TMEM132E: variants seen among roughly 807,000 people sequenced by gnomAD.
TMEM132E encodes the protein transmembrane protein 132E.
TMEM132E carries 49 observed loss-of-function variants against 78.5 expected under a neutral mutation model. The observed-to-expected ratio is 0.62, with a 90% CI of 0.50 to 0.79. The LOEUF (loss-of-function observed/expected upper bound fraction) is 0.79. Among genes scored for constraint, TMEM132E ranks in the 30% least tolerant of loss-of-function variants. TMEM132E has a pLI of 0.00. For synonymous variants in TMEM132E, 715 were observed against 670.6 expected, an observed-to-expected ratio of 1.07 and a Z score of -1.02; for missense variants, 1,403 against 1,470.9, an observed-to-expected ratio of 0.95 and a Z score of 0.75.
chr17:34,596,605 A>G (rs1906067185), intron 1 of TMEM132E, among the ~76,000 whole-genome samples: 1 of 152,002 alleles, frequency 6.6e-6, no homozygotes, highest in Non-Finnish European at 1.5e-5. Flanking sequence ...TTTTCTCCTC[A>G]TGTGTCTTAG....
intron 1 of TMEM132E, among the ~76,000 whole-genome samples, chr17:34,600,733 T>C (rs1176158794): frequency 2.0e-4 from 30 of 152,212 alleles, no homozygotes; most frequent in Non-Finnish European, 7.4e-5. Context: ...CAGTCCAGGA[T>C]GGAGCTGTGA....
At chr17:34,632,997 G>A (rs1907403296) in intron 6 of TMEM132E, 88 bp downstream of exon 6, 1 of 1,436,280 alleles carries the variant, frequency 7.0e-7, no homozygotes. Context: ...ATGGGTATAA[G>A]GCCCTTGGTA....
chr17:34,637,476 C>G lies in TMEM132E; in HGVS notation c.2469C>G (p.Asp823Glu), dbSNP rs769722270. 1.9e-6 allele frequency: 3 copies of G among 1,611,532 alleles called. No homozygotes were observed. The highest frequency in any genetic ancestry group is 2.5e-6 in the Non-Finnish European group (3 of 1,179,342). ...GGGACGAGGAGGACCCCACTTATGA[C>G]TACCCGGGCCCCAGCCAACCAGGGC... ...FGRDEEDPTY[D>E]YPGPSQPGPG... is the part of the protein sequence containing the mutation. Residue 823 changes from aspartate (D) to glutamate (E), a missense_variant, in exon 9 of 9, where the codon GAC becomes GAG. Physicochemically the swap from Asp to Glu is conservative, Grantham distance 45. Around this residue, in one of 3 missense-constraint regions of TMEM132E, gnomAD observed 888 missense variants for 952.8 expected, o/e 0.93. Coordinates refer to ENST00000631683, the MANE Select transcript of TMEM132E (RefSeq NM_001304438.2).
intron 1 of TMEM132E, among the ~76,000 whole-genome samples, chr17:34,588,782 C>T (rs1905763120): frequency 6.6e-6 from 1 of 152,184 alleles, no homozygotes. Context: ...CACTCTGTCA[C>T]CCTGGTTGTC....
chr17:34,638,341 G>C lies in TMEM132E; in HGVS notation c.*109G>C, dbSNP rs1907619379. Reference sequence around the variant, plus strand: ...GACTCTGGGCGGCTGAATTGATTTTGTACTCCCTGCCCCTGCAGCTTGGCT... The same window carrying C: ...GACTCTGGGCGGCTGAATTGATTTTCTACTCCCTGCCCCTGCAGCTTGGCT... On this transcript the variant is annotated 3_prime_UTR_variant, in exon 9 of 9. Transcript: ENST00000631683. The C allele has an allele frequency of 1.6e-6, 2 of 1,218,172 alleles. No homozygotes were observed. The highest frequency in any genetic ancestry group is 2.2e-6 in the Non-Finnish European group (2 of 896,688). 75.5% of individuals were successfully genotyped at this position (1,218,172 alleles called of 1,614,324 possible). A position where few individuals can be genotyped will look rare whatever the true frequency, so the allele number is the denominator to read the frequency against.
chr17:34,621,816 C>CTG (rs34320048), intron 1 of TMEM132E, among the ~76,000 whole-genome samples: 14,695 of 149,418 alleles, frequency 0.098, 1,645 homozygotes, highest in African/African-American at 0.28. Flanking sequence ...AGGTGCCAGC[C>CTG]TGTGTGTGTG....
At position 34,620,132 on chromosome 17, in the gene TMEM132E, C is replaced by A. The variant is rs533242155; in HGVS notation, c.68-5995C>A. ...CCCTAGCCTGCCCGGCCCTAGCTTCCACAGAGATTCATTTATGTGCCCAAT... is the reference window on the plus strand; with the variant it reads ...CCCTAGCCTGCCCGGCCCTAGCTTCAACAGAGATTCATTTATGTGCCCAAT... On this transcript the variant is annotated intron_variant, in intron 1 of 8. Coordinates refer to ENST00000631683, the MANE Select transcript of TMEM132E (RefSeq NM_001304438.2). 2.6e-5 allele frequency among the ~76,000 whole-genome samples: 4 copies of A among 152,302 alleles called. No homozygotes were observed. The East Asian group carries it at 7.7e-4, about 29-fold the overall frequency.
rs1597671528 is a variant in TMEM132E at position 34,579,592 on chromosome 17, G to C, written c.-1485G>C. On this transcript the variant is annotated 5_prime_UTR_variant, in exon 1 of 9. Transcript: ENST00000631683. ...TGTGTGTCTCTCTCGAGTCATTTAC[G>C]GCGGAGCAGCCGGCGCGAGCGCCGA... is the stretch of plus-strand genomic sequence containing the variant. 1.3e-5 allele frequency: 2 copies of C among 159,780 alleles called. No homozygotes were observed. Among genetic ancestry groups the C allele is most frequent in the Admixed American group, 6.1e-5 (1 of 16,284 alleles). 9.9% of individuals were successfully genotyped at this position (159,780 alleles called of 1,614,324 possible).
At chr17:34,595,059 G>C (rs1011759943) in intron 1 of TMEM132E, among the ~76,000 whole-genome samples, 25 of 152,342 alleles carry the variant, frequency 1.6e-4, no homozygotes, top group Non-Finnish European at 3.1e-4. Context: ...CTTTGGAAAG[G>C]GCCAGGTATG....
intron 8 of TMEM132E, 121 bp downstream of exon 8, chr17:34,636,319 T>G: frequency 7.0e-5 from 67 of 959,930 alleles, no homozygotes; most frequent in Non-Finnish European, 8.7e-5. Flanking sequence ...GGAGGATCTC[T>G]GCCCTCCATG....
chr17:34,588,310 G>T (rs1260737968), intron 1 of TMEM132E, among the ~76,000 whole-genome samples: 1 of 152,170 alleles, frequency 6.6e-6, no homozygotes, highest in Non-Finnish European at 1.5e-5. Flanking sequence ...ATTTGCCGTG[G>T]TTTTAATTCT....
In TMEM132E at chr17:34,626,178, G is replaced by A; in HGVS notation, c.119G>A (p.Ser40Asn). 6.4e-7 allele frequency: 1 copy of A among 1,562,666 alleles called. No individual in the cohort carries two copies. The highest frequency in any genetic ancestry group is 2.4e-5 in the East Asian group (1 of 42,206). ...ASPSPPGPQA[S>N]PVLPVSYRLS... The stretch of plus-strand genomic sequence containing the variant: ...CCCAGCCCGCCGGGGCCGCAGGCCA[G>A]CCCGGTGCTGCCAGTCAGCTACCGC... Residue 40 changes from serine (S) to asparagine (N), a missense_variant, in exon 2 of 9, where the codon AGC becomes AAC. Around this residue, in one of 3 missense-constraint regions of TMEM132E, gnomAD observed 511 missense variants for 499.0 expected, o/e 1.02. Coordinates refer to ENST00000631683, the MANE Select transcript of TMEM132E (RefSeq NM_001304438.2).
At chr17:34,613,166 T>TA (rs1906648124) in intron 1 of TMEM132E, among the ~76,000 whole-genome samples, 2 of 118,228 alleles carry the variant, frequency 1.7e-5, no homozygotes, top group African/African-American at 2.9e-5. Context: ...TCTCTCTCTC[T>TA]CTCTCTCTAC....
chr17:34,600,126 C>T (rs765665725), intron 1 of TMEM132E, among the ~76,000 whole-genome samples: 1 of 152,212 alleles, frequency 6.6e-6, no homozygotes, highest in African/African-American at 2.4e-5. Flanking sequence ...TTCTTCCTCT[C>T]GTTCACTTAG....
At chr17:34,619,932 C>T (rs1157470503) in intron 1 of TMEM132E, among the ~76,000 whole-genome samples, 7 of 152,256 alleles carry the variant, frequency 4.6e-5, no homozygotes, top group Non-Finnish European at 8.8e-5. Context: ...AGCCCAGCAC[C>T]CTTGAGCCCT....
intron 1 of TMEM132E, among the ~76,000 whole-genome samples, chr17:34,603,548 T>C (rs1906310684): frequency 6.6e-6 from 1 of 152,134 alleles, no homozygotes; most frequent in South Asian, 2.1e-4. Context: ...CCATGCCTGC[T>C]CCTGCACAGG....
At chr17:34,614,561 C>T (rs1189709020) in intron 1 of TMEM132E, 1 of 152,230 alleles carries the variant, frequency 6.6e-6, no homozygotes, top group Non-Finnish European at 1.5e-5. Context: ...CAGATGCAGA[C>T]AGACTAACAG....
At chr17:34,587,928 G>T (rs1905733401) in intron 1 of TMEM132E, among the ~76,000 whole-genome samples, 1 of 152,160 alleles carries the variant, frequency 6.6e-6, no homozygotes, top group Non-Finnish European at 1.5e-5. Flanking sequence ...TCATGACCCT[G>T]CCTTCGGAGG....
chr17:34,614,201 G>A (rs931186481), intron 1 of TMEM132E, among the ~76,000 whole-genome samples: 2 of 152,160 alleles, frequency 1.3e-5, no homozygotes, highest in African/African-American at 4.8e-5. Context: ...GGAAAGAGAG[G>A]CTCTTCAACA....
Sources: allele counts gnomAD v4.1 joint callset (sites outside exome capture counted in the v4.1 genomes callset), GRCh38; gene constraint gnomAD v4.1.1; regional missense constraint gnomAD v4.1.1; transcripts MANE v1.5; gene names NCBI Gene and HGNC (gene_info 2026-07-23, HGNC 2026-07-21).